The following GRIK4 variants were observed in gnomAD, a reference collection of about 807,000 sequenced individuals.
The protein encoded by GRIK4 is glutamate ionotropic receptor kainate type subunit 4.
In GRIK4, 40 loss-of-function variants were observed where a neutral mutation model predicts 104.9. The ratio of observed to expected loss-of-function variants is 0.38; its 90% CI spans 0.30 to 0.50. The LOEUF (loss-of-function observed/expected upper bound fraction) is 0.50, where lower values mean the gene tolerates loss of function less well. GRIK4 is among the 20% of genes least tolerant of loss of function. The pLI is 0.93. For synonymous variants in GRIK4, 485 were observed against 524.9 expected (o/e 0.92, Z 1.04); for missense variants, 1,047 against 1,308.1 (o/e 0.80, Z 3.08).
Position 120,986,252 on chromosome 11 carries a change from C to A in GRIK4, c.2863C>A (p.Pro955Thr). 6.4e-7 allele frequency: 1 copy of A among 1,563,106 alleles called. No individual in the cohort carries two copies. Residue 955 changes from proline to threonine, a missense_variant, in exon 21 of 21, where the codon CCC (proline) becomes ACC (threonine). Pro to Thr is a conservative substitution (Grantham distance 38). Around this residue, in one of 3 missense-constraint regions of GRIK4, gnomAD observed 160 missense variants for 140.9 expected, o/e 1.14. Transcript: ENST00000527524. ...EWEKTTNSSE[P>T]E The stretch of plus-strand genomic sequence containing the variant: ...GGAGAAAACCACCAACAGCAGCGAG[C>A]CCGAGTAGTCCCGGAGGCCACAGGA...
At position 120,682,425 on chromosome 11, in the gene GRIK4, G is replaced by C. The variant is rs1950208910; in HGVS notation, c.82+22025G>C. ...GCTTATTTGGCCTGTAGCATGGTCT[G>C]GTCTTGACTCCCTCCATTTGCAGCT... On this transcript the variant is annotated intron_variant, in intron 3 of 20. Transcript: ENST00000527524. Among the ~76,000 whole-genome samples, 7 of 152,120 alleles carry C rather than the reference G, an allele frequency of 4.6e-5. No homozygotes were observed. In the South Asian group the frequency reaches 1.5e-3, roughly 32 times the overall value.
intron 1 of GRIK4, among the ~76,000 whole-genome samples, chr11:120,618,552 T>C (rs777222353): frequency 1.3e-4 from 20 of 152,186 alleles, no homozygotes; most frequent in Non-Finnish European, 2.4e-4. Context: ...TCAGAGACCA[T>C]TGTGGCAGCT....
At chr11:120,742,133 G>T (rs564378836) in intron 3 of GRIK4, among the ~76,000 whole-genome samples, 1 of 152,178 alleles carries the variant, frequency 6.6e-6, no homozygotes, top group South Asian at 2.1e-4. Flanking sequence ...ATCACCTGAG[G>T]CCAGGAGTTC....
intron 4 of GRIK4, among the ~76,000 whole-genome samples, chr11:120,803,699 A>G (rs1446570300): frequency 6.6e-6 from 1 of 152,172 alleles, no homozygotes; most frequent in Non-Finnish European, 1.5e-5. Context: ...CAGCCTCCCA[A>G]AGTGCTGGGA....
At chr11:120,791,841 T>C (rs1226019015) in intron 3 of GRIK4, among the ~76,000 whole-genome samples, 1 of 152,226 alleles carries the variant, frequency 6.6e-6, no homozygotes, top group Non-Finnish European at 1.5e-5. Context: ...AAAGACTTTT[T>C]TTCCCCACTG....
At chr11:120,644,249 C>G (rs1949512751) in intron 1 of GRIK4, among the ~76,000 whole-genome samples, 1 of 152,140 alleles carries the variant, frequency 6.6e-6, no homozygotes, top group Non-Finnish European at 1.5e-5. Flanking sequence ...AATGAAAGAG[C>G]AGTGAGGAAA....
chr11:120,583,593 C>A (rs1172885788), intron 1 of GRIK4, among the ~76,000 whole-genome samples: 1 of 151,982 alleles, frequency 6.6e-6, no homozygotes, highest in Non-Finnish European at 1.5e-5. Context: ...TGTACCAGTA[C>A]CATGCTGTTT....
At chr11:120,815,255 G>A (rs1952919786) in intron 4 of GRIK4, 123 bp from the exon 5 acceptor site, 5 of 644,460 alleles carry the variant, frequency 7.8e-6, no homozygotes, top group Non-Finnish European at 1.4e-5. Context: ...TGGAGCAGGG[G>A]CCTGGGCAGC....
At chr11:120,928,889 G>A (rs897285578) in intron 13 of GRIK4, among the ~76,000 whole-genome samples, 1 of 152,154 alleles carries the variant, frequency 6.6e-6, no homozygotes, top group Non-Finnish European at 1.5e-5. Context: ...TTCAATCATT[G>A]CTGTGGATAG....
intron 1 of GRIK4, among the ~76,000 whole-genome samples, chr11:120,618,418 C>T (rs56728016): frequency 0.011 from 1,618 of 152,240 alleles, 22 homozygotes; most frequent in African/African-American, 0.037. Context: ...GCAGCCTGGT[C>T]GTGTGGTACA....
rs1237056258 is a variant in GRIK4, at chr11:120,549,057, G to A, written c.-159+37170G>A. On this transcript the variant is annotated intron_variant, in intron 1 of 20. Transcript: ENST00000527524. This position sits in a 1 kb window ranked among gnomAD's most constrained non-coding sequence, Gnocchi z 4.7. ...CTTCCTGGCTTTGTCATCCCAGGCAGCTGTGGTATGAAGGGGGCTCTGAAG... is the reference window on the plus strand; with the variant it reads ...CTTCCTGGCTTTGTCATCCCAGGCAACTGTGGTATGAAGGGGGCTCTGAAG... 6.6e-6 allele frequency among the ~76,000 whole-genome samples: 1 copy of A among 151,994 alleles called. No homozygotes were observed. The highest frequency in any genetic ancestry group is 1.5e-5 in the Non-Finnish European group (1 of 68,002).
chr11:120,697,179 T>G (rs1950463236), intron 3 of GRIK4, among the ~76,000 whole-genome samples: 1 of 152,214 alleles, frequency 6.6e-6, no homozygotes, highest in Non-Finnish European at 1.5e-5. Context: ...GTAGGTTCTA[T>G]TCTTGAAGGA....
At chr11:120,649,010 T>C (rs369470905) in intron 1 of GRIK4, among the ~76,000 whole-genome samples, 172 of 152,274 alleles carry the variant, frequency 1.1e-3, no homozygotes, top group African/African-American at 3.9e-3. Context: ...GCCAGGGCCT[T>C]GCCCCAAGCA....
intron 1 of GRIK4, among the ~76,000 whole-genome samples, chr11:120,626,687 C>T (rs1377052018): frequency 5.3e-5 from 8 of 152,124 alleles, no homozygotes; most frequent in East Asian, 3.9e-4. Flanking sequence ...TCTGCCTGAA[C>T]GCCCCATTTG....
At chr11:120,791,904 T>C (rs765844000) in intron 3 of GRIK4, among the ~76,000 whole-genome samples, 13 of 152,132 alleles carry the variant, frequency 8.5e-5, no homozygotes, top group Non-Finnish European at 1.6e-4. Context: ...GTAGTAATTA[T>C]GAAGGAAGGA....
At chr11:120,835,778 G>C (rs982103476) in intron 7 of GRIK4, among the ~76,000 whole-genome samples, 1 of 152,124 alleles carries the variant, frequency 6.6e-6, no homozygotes, top group African/African-American at 2.4e-5. Context: ...TGATCTACGT[G>C]TCAGTTTCTA....
intron 1 of GRIK4, among the ~76,000 whole-genome samples, chr11:120,530,496 A>T (rs1354061800): frequency 6.6e-6 from 1 of 152,234 alleles, no homozygotes; most frequent in Admixed American, 6.5e-5. Context: ...ATTTGCCAAC[A>T]GAGGCAGCTT....
intron 8 of GRIK4, among the ~76,000 whole-genome samples, chr11:120,841,294 C>T (rs1292234565): frequency 2.0e-5 from 3 of 152,172 alleles, no homozygotes; most frequent in African/African-American, 7.2e-5. Flanking sequence ...CAGGCCCTGG[C>T]AACCACCATT....
At chr11:120,535,888 A>T (rs1947968673) in intron 1 of GRIK4, among the ~76,000 whole-genome samples, 1 of 152,208 alleles carries the variant, frequency 6.6e-6, no homozygotes, top group African/African-American at 2.4e-5. Context: ...GCATCACTGT[A>T]CCTTTTCCAG....
Sources: allele counts gnomAD v4.1 joint callset (sites outside exome capture counted in the v4.1 genomes callset), GRCh38; gene constraint gnomAD v4.1.1; regional missense constraint gnomAD v4.1.1; non-coding constraint Gnocchi (gnomAD v3.1); transcripts MANE v1.5; gene names NCBI Gene and HGNC (gene_info 2026-07-23, HGNC 2026-07-21).